The following TENM3 variants were observed in gnomAD, a reference collection of about 807,000 sequenced individuals.
The protein encoded by TENM3 is teneurin transmembrane protein 3, also known as teneurin-3.
Under a neutral mutation model 255.1 loss-of-function variants are expected in TENM3, and 63 were observed. That is an observed-to-expected ratio of 0.25 (90% CI 0.20 to 0.30). The LOEUF is 0.30. TENM3 is among the 10% of genes least tolerant of loss of function. TENM3 has a pLI of 1.00. For missense variants in TENM3, 2,929 were observed against 3,461.1 expected (o/e 0.85, Z 3.86); for synonymous variants, 1,306 against 1,322.3 (o/e 0.99, Z 0.27).
the TENM3 span, among the ~76,000 whole-genome samples, chr4:182,033,235 A>ATGT: frequency 6.6e-6 from 1 of 152,036 alleles, no homozygotes; most frequent in Non-Finnish European, 1.5e-5. Flanking sequence ...AGATTCTAGT[A>ATGT]TGTTGTCTCT....
intron 3 of TENM3, among the ~76,000 whole-genome samples, chr4:182,511,548 G>T (rs2151721065): frequency 6.6e-6 from 1 of 152,284 alleles, no homozygotes; most frequent in Non-Finnish European, 1.5e-5. Flanking sequence ...GCCTCTGAGA[G>T]GTTTCTGAAG....
At chr4:182,776,817 TG>T (rs1298728619) in intron 24 of TENM3, among the ~76,000 whole-genome samples, 3 of 152,226 alleles carry the variant, frequency 2.0e-5, no homozygotes, top group Non-Finnish European at 4.4e-5. Context: ...TCTTTCTAAA[TG>T]GCAGAGCCAC....
the TENM3 span, among the ~76,000 whole-genome samples, chr4:181,788,376 A>C: frequency 5.8e-3 from 876 of 152,342 alleles, 9 homozygotes; most frequent in African/African-American, 0.02. Flanking sequence ...AACCACTTAA[A>C]TAGCTCTTGC....
chr4:182,437,692 G>A (rs1417511616), intron 3 of TENM3, among the ~76,000 whole-genome samples: 2 of 152,090 alleles, frequency 1.3e-5, no homozygotes, highest in East Asian at 3.9e-4. Context: ...CAACTATTCT[G>A]GAGGCTGAGG....
At chr4:181,757,317 GA>G in the TENM3 span, among the ~76,000 whole-genome samples, 61 of 152,264 alleles carry the variant, frequency 4.0e-4, no homozygotes, top group Non-Finnish European at 6.3e-4. Flanking sequence ...TTCTCCCACT[GA>G]GTTTCCATAG....
chr4:182,059,079 G>A, the TENM3 span, among the ~76,000 whole-genome samples: 3 of 151,960 alleles, frequency 2.0e-5, no homozygotes, highest in Non-Finnish European at 4.4e-5. Context: ...AGGCGGATGT[G>A]AAGACAGCAG....
chr4:181,501,994 G>C, the TENM3 span, among the ~76,000 whole-genome samples: 1 of 152,202 alleles, frequency 6.6e-6, no homozygotes, highest in African/African-American at 2.4e-5. Flanking sequence ...AACAGTGCCT[G>C]TTTCTGGCCC....
chr4:182,219,840 C>T (rs1755741086), intron 1 of TENM3, among the ~76,000 whole-genome samples: 2 of 152,112 alleles, frequency 1.3e-5, no homozygotes, highest in Admixed American at 1.3e-4. Context: ...ATGAAGTCTG[C>T]TTACTCTCCT....
At chr4:181,602,990 G>T in the TENM3 span, among the ~76,000 whole-genome samples, 5 of 152,256 alleles carry the variant, frequency 3.3e-5, no homozygotes, top group African/African-American at 1.2e-4. Context: ...CAACTGTGTT[G>T]CCTAAAGGAG....
the TENM3 span, among the ~76,000 whole-genome samples, chr4:181,705,384 G>A: frequency 1.7e-4 from 26 of 152,136 alleles, no homozygotes; most frequent in Non-Finnish European, 2.9e-4. Flanking sequence ...TGAATTTATT[G>A]TTTCCACTAT....
chr4:182,608,958 A>G (rs1748707188), intron 4 of TENM3, among the ~76,000 whole-genome samples: 1 of 152,140 alleles, frequency 6.6e-6, no homozygotes, highest in Non-Finnish European at 1.5e-5. Flanking sequence ...AGTGGAACCT[A>G]CTGTAGGTAG....
the TENM3 span, among the ~76,000 whole-genome samples, chr4:182,018,592 T>G: frequency 6.6e-6 from 1 of 152,316 alleles, no homozygotes; most frequent in South Asian, 2.1e-4. Flanking sequence ...AATATTTATC[T>G]AGCTTAGATT....
chr4:182,068,351 A>G, the TENM3 span, among the ~76,000 whole-genome samples: 11 of 151,512 alleles, frequency 7.3e-5, no homozygotes, highest in African/African-American at 2.4e-4. Flanking sequence ...TCTTGCAAAT[A>G]ATGAGGATAC....
the TENM3 span, among the ~76,000 whole-genome samples, chr4:181,665,307 C>T: frequency 6.6e-6 from 1 of 152,138 alleles, no homozygotes; most frequent in Non-Finnish European, 1.5e-5. Context: ...AGTATATAAG[C>T]TGCTTGAAAT....
At chr4:181,776,639 T>C in the TENM3 span, among the ~76,000 whole-genome samples, 5 of 152,168 alleles carry the variant, frequency 3.3e-5, no homozygotes, top group African/African-American at 1.2e-4. Flanking sequence ...TGATATCTCA[T>C]TGTGGTTTTG....
the TENM3 span, among the ~76,000 whole-genome samples, chr4:181,851,766 A>C: frequency 6.6e-6 from 1 of 152,224 alleles, no homozygotes; most frequent in East Asian, 1.9e-4. Flanking sequence ...TTAGGAAAAC[A>C]TCAGTACTGT....
At chr4:182,779,265 A>T (rs1409747795) in intron 24 of TENM3, among the ~76,000 whole-genome samples, 3 of 147,382 alleles carry the variant, frequency 2.0e-5, no homozygotes, top group South Asian at 2.2e-4. Flanking sequence ...TGTCCATGTG[A>T]TCTCATTGTT....
intron 1 of TENM3, among the ~76,000 whole-genome samples, chr4:182,155,513 A>T (rs187430177): frequency 6.6e-6 from 1 of 152,058 alleles, no homozygotes; most frequent in African/African-American, 2.4e-5. Context: ...TATTTAAAAG[A>T]TTATTTTTGT....
intron 1 of TENM3, among the ~76,000 whole-genome samples, chr4:182,168,831 T>A (rs1751896125): frequency 6.6e-6 from 1 of 152,178 alleles, no homozygotes; most frequent in Non-Finnish European, 1.5e-5. Flanking sequence ...CCATTTTATC[T>A]CTTCATTTAT....
Sources: allele counts gnomAD v4.1 joint callset (sites outside exome capture counted in the v4.1 genomes callset), GRCh38; gene constraint gnomAD v4.1.1; transcripts MANE v1.5; gene names NCBI Gene and HGNC (gene_info 2026-07-23, HGNC 2026-07-21).